Variants in PCSK6 observed in about 807,000 individuals in gnomAD.
PCSK6 encodes the protein paired basic amino acid cleaving enzyme 4.
In PCSK6, 85 loss-of-function variants were observed where a neutral mutation model predicts 123.3. That is an observed-to-expected ratio of 0.69 (90% CI 0.58 to 0.83). PCSK6 has a LOEUF of 0.83. Ranked by LOEUF, PCSK6 falls within the 40% of genes least tolerant of loss-of-function variation. PCSK6 has a pLI of 0.00. For synonymous variants in PCSK6, 508 were observed against 516.0 expected, an observed-to-expected ratio of 0.98 and a Z score of 0.21; for missense variants, 1,191 against 1,282.3, an observed-to-expected ratio of 0.93 and a Z score of 1.09.
intron 12 of PCSK6, among the ~76,000 whole-genome samples, chr15:101,367,910 C>T (rs1422147767): frequency 3.3e-5 from 5 of 152,186 alleles, no homozygotes; most frequent in South Asian, 2.1e-4. Context: ...CTGCAACCTC[C>T]GCCTCCTGGG....
intron 19 of PCSK6, among the ~76,000 whole-genome samples, chr15:101,316,936 G>GTTTTTTTTTTTTTTTT (rs2040006724): frequency 1.2e-5 from 1 of 82,958 alleles, no homozygotes; most frequent in African/African-American, 1.2e-4. Flanking sequence ...TTTTGACAGA[G>GTTTTTTTTTTTTTTTT]TCTTACTCTG....
chr15:101,477,834 G>T (rs2057770566), intron 1 of PCSK6, among the ~76,000 whole-genome samples: 1 of 152,204 alleles, frequency 6.6e-6, no homozygotes, highest in Non-Finnish European at 1.5e-5. Context: ...AGAAAGGAGG[G>T]TATCCAAGAA....
chr15:101,377,914 A>G (rs1051326633), intron 11 of PCSK6, among the ~76,000 whole-genome samples: 1 of 152,212 alleles, frequency 6.6e-6, no homozygotes, highest in Non-Finnish European at 1.5e-5. Flanking sequence ...CAGAAACTAA[A>G]GACGTGCAGG....
chr15:101,402,520 A>T (rs1306872574), intron 6 of PCSK6, among the ~76,000 whole-genome samples: 4 of 152,240 alleles, frequency 2.6e-5, no homozygotes, highest in Non-Finnish European at 5.9e-5. Context: ...CAACCTACTC[A>T]TCTGACAAAG....
intron 13 of PCSK6, chr15:101,364,986 T>C (rs2041346609): frequency 1.3e-6 from 1 of 777,780 alleles, no homozygotes; most frequent in Non-Finnish European, 2.4e-6. Flanking sequence ...GAATCGAGAG[T>C]GTGGAAACGA....
chr15:101,394,981 G>C (rs2042361328), intron 7 of PCSK6, among the ~76,000 whole-genome samples: 1 of 152,238 alleles, frequency 6.6e-6, no homozygotes, highest in Non-Finnish European at 1.5e-5. Flanking sequence ...GGCACAAAGA[G>C]CTCAGGAAGG....
intron 5 of PCSK6, 101 bp downstream of exon 5, chr15:101,429,886 C>G (rs3743190): frequency 3.0e-6 from 3 of 1,008,688 alleles, no homozygotes; most frequent in African/African-American, 1.6e-5. Flanking sequence ...AGGGAAGATA[C>G]GCCGGCAGCC....
chr15:101,362,145 A>G (rs1316865712), intron 13 of PCSK6, among the ~76,000 whole-genome samples: 1 of 152,012 alleles, frequency 6.6e-6, no homozygotes, highest in Non-Finnish European at 1.5e-5. Flanking sequence ...GTTAGTAGAG[A>G]TGGGGTTTCA....
At chr15:101,472,062 C>A (rs1253960760) in intron 1 of PCSK6, among the ~76,000 whole-genome samples, 1 of 152,116 alleles carries the variant, frequency 6.6e-6, no homozygotes, top group Non-Finnish European at 1.5e-5. Flanking sequence ...CCAGAAAACT[C>A]CATAATCCTC....
Position 101,310,057 on chromosome 15 carries a change from G to A in PCSK6, c.2700-2732C>T, listed in dbSNP as rs554794767. ...CACAGCAGCAGCGGACGGCCACGGC[G>A]TCCACCAGCATTCTGGGGCCTGGAG... On this transcript the variant is annotated intron_variant, in intron 20 of 21. Transcript: ENST00000611716. Among the ~76,000 whole-genome samples the A allele has an allele frequency of 3.8e-4, 58 of 152,346 alleles. No individual in the cohort carries two copies. The East Asian group carries it at 8.9e-3, about 23-fold the overall frequency.
intron 8 of PCSK6, 27 bp from the exon 9 acceptor site, chr15:101,389,591 C>A: frequency 1.3e-6 from 2 of 1,555,632 alleles, no homozygotes; most frequent in South Asian, 1.1e-5. Flanking sequence ...CACAGTGAGG[C>A]AGTGATGGCA....
intron 1 of PCSK6, among the ~76,000 whole-genome samples, chr15:101,474,111 T>G (rs1008016681): frequency 1.3e-5 from 2 of 152,246 alleles, no homozygotes; most frequent in African/African-American, 4.8e-5. Context: ...CAATAAGGTT[T>G]CTTTTCTTTC....
chr15:101,344,080 A>G (rs1489742971), intron 13 of PCSK6, among the ~76,000 whole-genome samples: 2 of 151,926 alleles, frequency 1.3e-5, no homozygotes, highest in Non-Finnish European at 2.9e-5. Flanking sequence ...TGTCTCAAAA[A>G]AAAAAATAAA....
intron 11 of PCSK6, among the ~76,000 whole-genome samples, chr15:101,371,414 T>C (rs2041583729): frequency 6.6e-6 from 1 of 152,174 alleles, no homozygotes; most frequent in Admixed American, 6.5e-5. Flanking sequence ...GTAAGAAACC[T>C]GTCCTTGGAC....
intron 2 of PCSK6, among the ~76,000 whole-genome samples, chr15:101,442,829 C>T (rs1237825579): frequency 6.6e-6 from 1 of 152,158 alleles, no homozygotes; most frequent in East Asian, 1.9e-4. Context: ...CGCCCTGTGA[C>T]ATATCACATA....
intron 1 of PCSK6, among the ~76,000 whole-genome samples, chr15:101,476,388 G>C (rs575157869): frequency 4.7e-4 from 71 of 152,222 alleles, no homozygotes; most frequent in Non-Finnish European, 7.8e-4. Flanking sequence ...AACATTCACA[G>C]GTGTGGTATA....
At chr15:101,402,980 AT>A (rs2042639306) in intron 6 of PCSK6, among the ~76,000 whole-genome samples, 1 of 152,172 alleles carries the variant, frequency 6.6e-6, no homozygotes. Context: ...ACATATGTTT[AT>A]TGTGGCACTA....
chr15:101,328,578 C>T (rs1035140818), intron 15 of PCSK6, among the ~76,000 whole-genome samples: 15 of 152,142 alleles, frequency 9.9e-5, no homozygotes, highest in African/African-American at 3.4e-4. Flanking sequence ...AAGCAGTGCT[C>T]CCAGCTGCTG....
At chr15:101,363,110 C>T (rs2141444507) in intron 13 of PCSK6, among the ~76,000 whole-genome samples, 1 of 152,194 alleles carries the variant, frequency 6.6e-6, no homozygotes, top group Non-Finnish European at 1.5e-5. Context: ...GATGTGGACT[C>T]AGGGGAGAGG....
Sources: allele counts gnomAD v4.1 joint callset (sites outside exome capture counted in the v4.1 genomes callset), GRCh38; gene constraint gnomAD v4.1.1; transcripts MANE v1.5; gene names NCBI Gene and HGNC (gene_info 2026-07-23, HGNC 2026-07-21).